Variants in LRCH1 observed in about 807,000 individuals in gnomAD.
The protein encoded by LRCH1 is leucine rich repeats and calponin homology domain containing 1.
In LRCH1, 23 loss-of-function variants were observed where a neutral mutation model predicts 94.9. That is an observed-to-expected ratio of 0.24 (90% CI 0.17 to 0.34). The LOEUF is 0.34. Ranked by LOEUF, LRCH1 falls within the 10% of genes least tolerant of loss-of-function variation. LRCH1 has a pLI of 1.00. For missense variants in LRCH1, 790 were observed against 945.9 expected, an observed-to-expected ratio of 0.84 and a Z score of 2.16; for synonymous variants, 364 against 354.9, an observed-to-expected ratio of 1.03 and a Z score of -0.29.
chr13:46,572,551 G>A (rs2050252258), intron 1 of LRCH1, among the ~76,000 whole-genome samples: 1 of 152,128 alleles, frequency 6.6e-6, no homozygotes. Context: ...CAGGGGTATA[G>A]TTTGAAAGAA....
At chr13:46,578,337 C>T (rs1333939852) in intron 1 of LRCH1, among the ~76,000 whole-genome samples, 2 of 152,234 alleles carry the variant, frequency 1.3e-5, no homozygotes, top group Non-Finnish European at 2.9e-5. Flanking sequence ...GCTTCCCCAT[C>T]AGTTCTTGGG....
Position 46,558,572 on chromosome 13 carries a change from C to CAAAAAAAAAAAAAAAAAA in LRCH1, c.307+4878_307+4895dup, listed in dbSNP as rs575874794. Among the ~76,000 whole-genome samples, 35 of 34,396 alleles carry CAAAAAAAAAAAAAAAAAA rather than the reference C, an allele frequency of 1.0e-3. 5 individuals carry two copies. Among genetic ancestry groups the CAAAAAAAAAAAAAAAAAA allele is most frequent in the African/African-American group, 1.8e-3 (18 of 9,880 alleles). The allele number at this position is 34,396 out of a possible 152,430, so 22.6% of individuals were successfully genotyped here. ...CCAAGACGGTGAAACCCTGTGTCTA[C>CAAAAAAAAAAAAAAAAAA]AAAAAAAAAAAAAAAAAAAAAAAAA... On this transcript the variant is annotated intron_variant, in intron 1 of 19. Transcript: ENST00000389797.
At chr13:46,727,525 C>T (rs897514510) in intron 17 of LRCH1, among the ~76,000 whole-genome samples, 6 of 152,104 alleles carry the variant, frequency 3.9e-5, no homozygotes, top group Non-Finnish European at 7.4e-5. Context: ...TTTTTTGAGA[C>T]GGAGTCTCGC....
rs1334421831 is a variant in LRCH1, at chr13:46,667,475, A to G, written c.453-1555A>G. 2.1e-5 allele frequency among the ~76,000 whole-genome samples: 3 copies of G among 145,452 alleles called. No homozygotes were observed. The Admixed American group carries it at 2.1e-4, about 10-fold the overall frequency. The stretch of plus-strand genomic sequence containing the variant: ...CTCACTCATAGGTGGGAATTGAACA[A>G]TGAGAACACTTGGACACAGGAAGGG... On this transcript the variant is annotated intron_variant, in intron 2 of 19. Transcript: ENST00000389797.
intron 2 of LRCH1, among the ~76,000 whole-genome samples, chr13:46,656,017 G>T (rs941924677): frequency 1.3e-5 from 2 of 152,160 alleles, no homozygotes; most frequent in Admixed American, 1.3e-4. Context: ...ACCATAAAAG[G>T]AATCTGTTTT....
intron 1 of LRCH1, among the ~76,000 whole-genome samples, chr13:46,598,108 C>T (rs1249316706): frequency 6.6e-6 from 1 of 152,102 alleles, no homozygotes; most frequent in Non-Finnish European, 1.5e-5. Context: ...TGATGAAACC[C>T]TGTCTCTACT....
chr13:46,645,749 G>A (rs935130654), intron 1 of LRCH1, among the ~76,000 whole-genome samples: 7 of 152,018 alleles, frequency 4.6e-5, no homozygotes, highest in Admixed American at 2.6e-4. Flanking sequence ...TAAAAGGTTC[G>A]TAGCTATGTG....
At chr13:46,706,616 T>G (rs1871773352) in intron 13 of LRCH1, among the ~76,000 whole-genome samples, 2 of 152,168 alleles carry the variant, frequency 1.3e-5, no homozygotes, top group African/African-American at 4.8e-5. Flanking sequence ...AGAGATGAGA[T>G]CTCGCTTTGT....
At chr13:46,707,995 G>A (rs1025288281) in intron 13 of LRCH1, among the ~76,000 whole-genome samples, 30 of 152,168 alleles carry the variant, frequency 2.0e-4, no homozygotes, top group Non-Finnish European at 1.6e-4. Context: ...CATGTAAAAG[G>A]CGTGGCCCTG....
chr13:46,712,016 T>C (rs1342415643), intron 14 of LRCH1, among the ~76,000 whole-genome samples, 172 bp downstream of exon 14: 1 of 152,224 alleles, frequency 6.6e-6, no homozygotes, highest in Non-Finnish European at 1.5e-5. Flanking sequence ...CTATTCGTAA[T>C]TAAAGATTAA....
rs2050018873 is a variant in LRCH1, at chr13:46,553,247, T to G, written c.-150T>G. 5.7e-6 allele frequency: 2 copies of G among 353,252 alleles called. No individual in the cohort carries two copies. The highest frequency in any genetic ancestry group is 1.1e-5 in the Non-Finnish European group (2 of 187,830). 21.9% of individuals were successfully genotyped at this position (353,252 alleles called of 1,614,324 possible). On this transcript the variant is annotated 5_prime_UTR_variant, in exon 1 of 20. Transcript: ENST00000389797. ...CCGCCTCCCCGCCCGCCCCCCATTC[T>G]ACGCGCCTGCCCACACCCTCCTCCC... is the stretch of plus-strand genomic sequence containing the variant.
intron 1 of LRCH1, among the ~76,000 whole-genome samples, chr13:46,593,401 C>T (rs1397058479): frequency 6.6e-6 from 1 of 151,154 alleles, no homozygotes; most frequent in African/African-American, 2.4e-5. Context: ...TCTAGGAATC[C>T]CAATACCTAG....
At chr13:46,672,256 G>A (rs2051610401) in intron 3 of LRCH1, among the ~76,000 whole-genome samples, 2 of 151,632 alleles carry the variant, frequency 1.3e-5, no homozygotes, top group East Asian at 3.9e-4. Context: ...TCCACTGCCT[G>A]CACAGTTTAT....
chr13:46,701,732 G>A (rs1401164702), intron 11 of LRCH1, among the ~76,000 whole-genome samples: 2 of 152,184 alleles, frequency 1.3e-5, no homozygotes, highest in Non-Finnish European at 2.9e-5. Flanking sequence ...CAGTGGATAT[G>A]TGGATAATAT....
At position 46,563,901 on chromosome 13, in the gene LRCH1, C is replaced by T. The variant is rs535278771; in HGVS notation, c.307+10198C>T. ...GTCTCCCAGGCTCACATCAAAGGGT[C>T]GTTTCTGTGGAGCCAGGAGGTGACA... On this transcript the variant is annotated intron_variant, in intron 1 of 19. Coordinates refer to ENST00000389797, the MANE Select transcript of LRCH1 (RefSeq NM_001164211.2). Among the ~76,000 whole-genome samples the T allele has an allele frequency of 3.9e-5, 6 of 152,178 alleles. No homozygotes were observed. In the South Asian group the frequency reaches 6.2e-4, roughly 16 times the overall value.
At chr13:46,685,768 A>T (rs752877232) in intron 4 of LRCH1, 137 bp from the exon 5 acceptor site, 70 of 598,020 alleles carry the variant, frequency 1.2e-4, no homozygotes, top group Admixed American at 1.1e-4. Flanking sequence ...TGTATTCCTA[A>T]TGTACAACTT....
intron 1 of LRCH1, among the ~76,000 whole-genome samples, chr13:46,623,911 TCTCA>T (rs991729604): frequency 1.0e-4 from 15 of 144,702 alleles, no homozygotes; most frequent in Non-Finnish European, 1.9e-4. Context: ...AGAGACAGAG[TCTCA>T]CTCTGTCACC....
downstream of LRCH1, among the ~76,000 whole-genome samples, chr13:46,747,196 C>T (rs1025604088): frequency 2.6e-5 from 4 of 152,134 alleles, no homozygotes; most frequent in Non-Finnish European, 4.4e-5. Flanking sequence ...CTGCACCTGG[C>T]TTGGAATGTG....
chr13:46,571,663 C>T (rs1309634431), intron 1 of LRCH1, among the ~76,000 whole-genome samples: 1 of 152,160 alleles, frequency 6.6e-6, no homozygotes, highest in African/African-American at 2.4e-5. Flanking sequence ...AGGCTTAGAA[C>T]CATCACAGCT....
Sources: gnomAD v4.1 joint callset for allele counts (sites outside exome capture counted in the v4.1 genomes callset) on GRCh38, gnomAD v4.1.1 for gene constraint, MANE v1.5 for transcripts, NCBI Gene and HGNC (gene_info 2026-07-23, HGNC 2026-07-21) for gene names.